The following PIEZO2 variants were observed in gnomAD, a reference collection of about 807,000 sequenced individuals.
PIEZO2 encodes piezo type mechanosensitive ion channel component 2, also known as piezo-type mechanosensitive ion channel component 2.
A neutral mutation model predicts 337.3 loss-of-function variants in PIEZO2; 172 were observed. The ratio of observed to expected loss-of-function variants is 0.51; its 90% CI spans 0.45 to 0.58. PIEZO2 has a LOEUF of 0.58. PIEZO2 is among the 20% of genes least tolerant of loss of function. PIEZO2 has a pLI of 0.00. For synonymous variants in PIEZO2, 1,251 were observed against 1,228.5 expected (o/e 1.02, Z -0.38); for missense variants, 3,028 against 3,391.3 (o/e 0.89, Z 2.66).
At chr18:10,897,931 G>T (rs1490996775) in intron 4 of PIEZO2, among the ~76,000 whole-genome samples, 1 of 152,180 alleles carries the variant, frequency 6.6e-6, no homozygotes, top group Non-Finnish European at 1.5e-5. Flanking sequence ...GACTTTCTCT[G>T]CTATCGAATG....
chr18:10,685,606 G>A (rs1003759009), intron 49 of PIEZO2, among the ~76,000 whole-genome samples: 4 of 152,344 alleles, frequency 2.6e-5, no homozygotes, highest in African/African-American at 9.6e-5. Context: ...CTCCAAGGCA[G>A]TGAGCTGAAG....
At position 10,871,300 on chromosome 18, in the gene PIEZO2, T is replaced by C. The variant is rs560268532; in HGVS notation, c.445A>G (p.Thr149Ala). ...GGGTTACTCTGTGCTGCTTCGTCTGTCACAGGTTTCTGAACAATGTTTCTA... is the reference window on the plus strand; with the variant it reads ...GGGTTACTCTGTGCTGCTTCGTCTGCCACAGGTTTCTGAACAATGTTTCTA... ...LCRNIVQKPV[T>A]DEAAQSNPEF... Residue 149 changes from threonine to alanine, a missense_variant, in exon 5 of 56, where the codon ACA (threonine) becomes GCA (alanine). By Grantham distance (58) the Thr-to-Ala change is moderately conservative. This residue lies in a region of PIEZO2 where 542 missense variants were observed against 605.6 expected (regional missense o/e 0.89). Coordinates refer to ENST00000674853, the MANE Select transcript of PIEZO2 (RefSeq NM_001378183.1). The C allele has an allele frequency of 1.8e-4, 276 of 1,537,090 alleles. No individual in the cohort carries two copies. The highest frequency in any genetic ancestry group is 2.3e-4 in the Non-Finnish European group (262 of 1,146,868).
At chr18:10,902,600 G>A (rs1418032123) in intron 4 of PIEZO2, among the ~76,000 whole-genome samples, 2 of 152,154 alleles carry the variant, frequency 1.3e-5, no homozygotes, top group South Asian at 2.1e-4. Flanking sequence ...TTATAAAGGT[G>A]TATAATTGGT....
In PIEZO2 at chr18:11,032,505, C is replaced by A. The variant is rs1439821111; in HGVS notation, c.160+33622G>T. On this transcript the variant is annotated intron_variant, in intron 2 of 55. Transcript: ENST00000674853. This position sits in a 1 kb window ranked among gnomAD's most constrained non-coding sequence, Gnocchi z 4.9. ...AGTAAGTGTAAATGTGTTAGCCAGTCTGGCTGGCTATGGATGACGGGTGGG... is the reference window on the plus strand; with the variant it reads ...AGTAAGTGTAAATGTGTTAGCCAGTATGGCTGGCTATGGATGACGGGTGGG... Among the ~76,000 whole-genome samples the A allele has an allele frequency of 6.6e-6, 1 of 152,212 alleles. No individual in the cohort carries two copies. Among genetic ancestry groups the A allele is most frequent in the Non-Finnish European group, 1.5e-5 (1 of 68,040 alleles).
chr18:10,722,890 G>C (rs1327119178), intron 36 of PIEZO2, among the ~76,000 whole-genome samples: 1 of 150,590 alleles, frequency 6.6e-6, no homozygotes, highest in Non-Finnish European at 1.5e-5. Context: ...CAAGGCATGA[G>C]AACTGGAGAA....
intron 1 of PIEZO2, among the ~76,000 whole-genome samples, chr18:11,115,554 G>C (rs554933377): frequency 6.6e-6 from 1 of 152,262 alleles, no homozygotes; most frequent in South Asian, 2.1e-4. Context: ...TATGTATTGA[G>C]ACAAATATTA....
chr18:10,708,061 CA>C (rs1277634511), intron 40 of PIEZO2, among the ~76,000 whole-genome samples: 2 of 152,144 alleles, frequency 1.3e-5, no homozygotes, highest in Admixed American at 1.3e-4. Context: ...TCCTAACAGA[CA>C]AAAACTAAAG....
chr18:10,964,207 A>G (rs2033906988), intron 3 of PIEZO2, among the ~76,000 whole-genome samples: 1 of 152,206 alleles, frequency 6.6e-6, no homozygotes, highest in South Asian at 2.1e-4. Context: ...TAACCTCCAC[A>G]TTAATTAAAG....
chr18:10,989,635 T>A (rs2035014877), intron 2 of PIEZO2, among the ~76,000 whole-genome samples: 1 of 152,170 alleles, frequency 6.6e-6, no homozygotes, highest in South Asian at 2.1e-4. Flanking sequence ...AAGGAACTTC[T>A]GTGTGTCAAC....
intron 1 of PIEZO2, among the ~76,000 whole-genome samples, chr18:11,130,941 G>A (rs530192960): frequency 2.0e-4 from 31 of 152,328 alleles, no homozygotes; most frequent in Admixed American, 1.5e-3. Context: ...TCTGCCACAT[G>A]GACCATATGA....
At position 11,110,430 on chromosome 18, in the gene PIEZO2, A is replaced by G. The variant is rs1448724399; in HGVS notation, c.64+38095T>C. 1.3e-5 allele frequency among the ~76,000 whole-genome samples: 2 copies of G among 152,228 alleles called. No homozygotes were observed. The highest frequency in any genetic ancestry group is 4.8e-5 in the African/African-American group (2 of 41,462). On this transcript the variant is annotated intron_variant, in intron 1 of 55. Transcript: ENST00000674853. The surrounding 1 kb of genome is among the most constrained non-coding windows in gnomAD (Gnocchi z 4.2). ...CCCGCATTCTGGCTGACAGGGCTTC[A>G]GCATGGGCGCTGCGGCCTTAACTCC...
At chr18:11,013,093 T>C (rs548234963) in intron 2 of PIEZO2, among the ~76,000 whole-genome samples, 1 of 152,334 alleles carries the variant, frequency 6.6e-6, no homozygotes, top group African/African-American at 2.4e-5. Context: ...ATTTTATGTC[T>C]TCATTTATGT....
chr18:10,703,448 T>A (rs9789201), intron 42 of PIEZO2, among the ~76,000 whole-genome samples: 8 of 152,350 alleles, frequency 5.3e-5, no homozygotes, highest in African/African-American at 1.9e-4. Context: ...CAAATACTTT[T>A]GAGATGCTTT....
chr18:10,705,268 A>C (rs1483080515), intron 41 of PIEZO2, 68 bp downstream of exon 41: 1 of 1,431,562 alleles, frequency 7.0e-7, no homozygotes, highest in African/African-American at 1.4e-5. Context: ...TTCTGTATAC[A>C]GAATTAGGGC....
intron 9 of PIEZO2, among the ~76,000 whole-genome samples, chr18:10,801,865 T>C (rs2039828173): frequency 6.6e-6 from 1 of 152,046 alleles, no homozygotes; most frequent in Non-Finnish European, 1.5e-5. Flanking sequence ...GGCAGGCAGA[T>C]CACGAGGCCA....
intron 2 of PIEZO2, among the ~76,000 whole-genome samples, chr18:11,012,330 T>A (rs191579218): frequency 6.6e-6 from 1 of 152,292 alleles, no homozygotes; most frequent in Admixed American, 6.5e-5. Context: ...AAGGAATACA[T>A]TTAAAATAAG....
At position 10,704,381 on chromosome 18, in the gene PIEZO2, C is replaced by T. The variant is rs1055599491; in HGVS notation, c.6258+13G>A. On this transcript the variant is annotated intron_variant, in intron 42 of 55. Transcript: ENST00000674853. ...GCCTGAAGCCATCCACAGGGGTCTG[C>T]GTCCAGGCCTACCTCAGTATAGACG... 32 of 1,536,336 alleles carry T rather than the reference C, an allele frequency of 2.1e-5. No homozygotes were observed. The highest frequency in any genetic ancestry group is 3.5e-4 in the Middle Eastern group (2 of 5,706).
chr18:10,744,000 A>G (rs1234729556), intron 31 of PIEZO2, 142 bp downstream of exon 31: 1 of 599,080 alleles, frequency 1.7e-6, no homozygotes, highest in Non-Finnish European at 2.9e-6. Context: ...GCCCCCGCAC[A>G]AGAATAAATA....
Position 11,021,724 on chromosome 18 carries a change from A to C in PIEZO2, c.161-42064T>G, listed in dbSNP as rs538987989. ...CGTCCCTCCCACCCATGCCTTCACA[A>C]GTTCATTCTATTCAATGTATGAGTC... On this transcript the variant is annotated intron_variant, in intron 2 of 55. Coordinates refer to ENST00000674853, the MANE Select transcript of PIEZO2 (RefSeq NM_001378183.1). This position sits in a 1 kb window ranked among gnomAD's most constrained non-coding sequence, Gnocchi z 4.7. 6.6e-6 allele frequency among the ~76,000 whole-genome samples: 1 copy of C among 152,288 alleles called. No homozygotes were observed. Among genetic ancestry groups the C allele is most frequent in the South Asian group, 2.1e-4 (1 of 4,826 alleles).
Sources: gnomAD v4.1 joint callset for allele counts (sites outside exome capture counted in the v4.1 genomes callset) on GRCh38, gnomAD v4.1.1 for gene constraint, gnomAD v4.1.1 regional missense constraint, Gnocchi (gnomAD v3.1) non-coding constraint, MANE v1.5 for transcripts, NCBI Gene and HGNC (gene_info 2026-07-23, HGNC 2026-07-21) for gene names.